The following MUC5B variants were observed in gnomAD, a reference collection of about 807,000 sequenced individuals.
MUC5B encodes the protein mucin-5B.
A neutral mutation model predicts 376.9 loss-of-function variants in MUC5B; 116 were observed. The observed-to-expected ratio is 0.31, with a 90% CI of 0.26 to 0.36. The LOEUF (loss-of-function observed/expected upper bound fraction) is 0.36. MUC5B is among the 10% of genes least tolerant of loss of function. The probability of loss-of-function intolerance (pLI) is 1.00; values close to 1 mark genes in which losing one functional copy is unlikely to be tolerated. For synonymous variants in MUC5B, 3,517 were observed against 3,390.9 expected (o/e 1.04, Z -1.29); for missense variants, 7,165 against 7,769.9 (o/e 0.92, Z 2.93).
At position 1,249,206 on chromosome 11, in the gene MUC5B, C is replaced by A. The variant is rs775020331; in HGVS notation, c.12326C>A (p.Thr4109Asn). ...TATPSKTRTS[T>N]LLPSSPTSAP... The stretch of plus-strand genomic sequence containing the variant: ...ACACCCAGCAAGACCCGCACCTCGA[C>A]CCTGCTGCCCAGCAGCCCCACATCG... The change falls in exon 31 of 49, where the codon ACC becomes AAC. Residue 4109 changes from threonine (T) to asparagine (N), a missense_variant. By Grantham distance (65) the Thr-to-Asn change is moderately conservative. This residue lies in a region of MUC5B where 47 missense variants were observed against 88.4 expected (regional missense o/e 0.53). Coordinates refer to ENST00000529681, the MANE Select transcript of MUC5B (RefSeq NM_002458.3). 33 of 1,611,420 alleles carry A rather than the reference C, an allele frequency of 2.0e-5. No individual in the cohort carries two copies. The highest frequency in any genetic ancestry group is 8.3e-5 in the Admixed American group (5 of 59,966).
In MUC5B at chr11:1,227,101, C is replaced by T. The variant is rs778396604; in HGVS notation, c.532C>T (p.Arg178Trp). ...CGGGGACTACATCAAGGTCAGCATCCGGCTGGTGCTGACATTCCTGTGGAA... is the reference window on the plus strand; with the variant it reads ...CGGGGACTACATCAAGGTCAGCATCTGGCTGGTGCTGACATTCCTGTGGAA... ...QSGDYIKVSIRLVLTFLWNGE... is the reference protein window; with the variant it reads ...QSGDYIKVSIWLVLTFLWNGE... Residue 178 changes from arginine to tryptophan, a missense_variant, in exon 5 of 49, where the codon CGG becomes TGG. This residue lies in a region of MUC5B where 640 missense variants were observed against 733.0 expected (regional missense o/e 0.87). Coordinates refer to ENST00000529681, the MANE Select transcript of MUC5B (RefSeq NM_002458.3). The T allele has an allele frequency of 1.9e-5, 30 of 1,612,422 alleles. No individual in the cohort carries two copies. The South Asian group carries it at 2.1e-4, about 11-fold the overall frequency.
In MUC5B at chr11:1,235,383, C is replaced by T. The variant is rs1310078448; in HGVS notation, c.2850C>T (p.Thr950=). 1.2e-6 allele frequency: 2 copies of T among 1,612,514 alleles called. No individual in the cohort carries two copies. The highest frequency in any genetic ancestry group is 1.7e-6 in the Non-Finnish European group (2 of 1,179,776). Residue 950 remains threonine (T), a synonymous_variant, in exon 23 of 49, where the codon ACC becomes ACT. Transcript: ENST00000529681. The stretch of plus-strand genomic sequence containing the variant: ...TCCCCTGTGGGACCACCGGCACCAC[C>T]TGCTCCAAGGCCATCAAGCTCTTCG... ...ENIPCGTTGT[T]CSKAIKLFVE...
At chr11:1,254,652 T>G (rs778290964) in intron 34 of MUC5B, 42 bp from the exon 35 acceptor site, 1 of 1,586,992 alleles carries the variant, frequency 6.3e-7, no homozygotes, top group African/African-American at 1.3e-5. Flanking sequence ...CGAGCCCACC[T>G]GGCACTGCCT....
In MUC5B at chr11:1,251,552, C is replaced by A; in HGVS notation, c.14672C>A (p.Ala4891Asp). ...TTMATMPTAT[A>D]STVPSSSTVG... ...ATGGCCACTATGCCCACAGCCACTG[C>A]CTCCACGGTTCCCAGCTCGTCCACC... is the stretch of plus-strand genomic sequence containing the variant. Residue 4891 changes from alanine (A) to aspartate (D), a missense_variant, in exon 31 of 49, where the codon GCC (alanine) becomes GAC (aspartate). By Grantham distance (126) the Ala-to-Asp change is moderately radical (BLOSUM62 -2). This residue lies in a region of MUC5B where 730 missense variants were observed against 592.7 expected (regional missense o/e 1.23). Transcript: ENST00000529681. The A allele has an allele frequency of 6.2e-7, 1 of 1,607,194 alleles. No homozygotes were observed.
At position 1,246,476 on chromosome 11, in the gene MUC5B, C is replaced by A. The variant is rs371217175; in HGVS notation, c.9596C>A (p.Thr3199Lys). The change falls in exon 31 of 49, where the codon ACG becomes AAG. Residue 3199 changes from threonine (T) to lysine (K), a missense_variant. Thr to Lys is a moderately conservative substitution (Grantham distance 78). This residue lies in a region of MUC5B where 939 missense variants were observed against 770.6 expected (regional missense o/e 1.22). Coordinates refer to ENST00000529681, the MANE Select transcript of MUC5B (RefSeq NM_002458.3). The stretch of plus-strand genomic sequence containing the variant: ...GGCACCCTCAAAGTGCTGACCAGCA[C>A]GGCCACCACACCCACAGTCATCAGC... ...TAGTLKVLTS[T>K]ATTPTVISSR... 2.5e-6 allele frequency: 4 copies of A among 1,613,424 alleles called. No individual in the cohort carries two copies. In the South Asian group the frequency reaches 3.3e-5, roughly 13 times the overall value.
rs1564951544 is a variant in MUC5B at position 1,254,171 on chromosome 11, T to C, written c.15297T>C (p.Tyr5099=). The C allele has an allele frequency of 6.2e-7, 1 of 1,612,984 alleles. No individual in the cohort carries two copies. The change falls in exon 34 of 49, where the codon TAT becomes TAC. Residue 5099 remains tyrosine, a synonymous_variant. Coordinates refer to ENST00000529681, the MANE Select transcript of MUC5B (RefSeq NM_002458.3). ...TSYTFRGNCT[Y]VLMREIHARF... ...ACACCTTCCGGGGCAACTGCACCTA[T>C]GTCCTCATGAGAGAGATCCATGCAC...
In MUC5B at chr11:1,246,245, T is replaced by A. The variant is rs58125533; in HGVS notation, c.9365T>A (p.Met3122Lys). The A allele has an allele frequency of 1.3e-6, 2 of 1,598,134 alleles. No homozygotes were observed. The highest frequency in any genetic ancestry group is 2.8e-5 in the African/African-American group (2 of 72,494). ...KATTTRATSS[M>K]STPSSTPGTT... ...ACCACGACAAGGGCCACCAGTTCCA[T>A]GTCCACCCCCTCCTCCACTCCGGGG... Residue 3122 changes from methionine (M) to lysine (K), a missense_variant, in exon 31 of 49, where the codon ATG becomes AAG. Met to Lys is a moderately conservative substitution (Grantham distance 95, BLOSUM62 -1). This residue lies in a region of MUC5B where 939 missense variants were observed against 770.6 expected (regional missense o/e 1.22). Coordinates refer to ENST00000529681, the MANE Select transcript of MUC5B (RefSeq NM_002458.3).
intron 34 of MUC5B, 59 bp downstream of exon 34, chr11:1,254,410 C>A: frequency 6.3e-7 from 1 of 1,578,492 alleles, no homozygotes; most frequent in Non-Finnish European, 8.6e-7. Context: ...CCTGGGCAGG[C>A]CGACTGCAGG....
At chr11:1,239,625 G>C (rs2735731) in intron 27 of MUC5B, 59 bp downstream of exon 27, 13 of 1,524,412 alleles carry the variant, frequency 8.5e-6, no homozygotes, top group African/African-American at 2.8e-5. Context: ...AGTGTACGTG[G>C]GGGGGCGGGG....
At position 1,227,396 on chromosome 11, in the gene MUC5B, A is replaced by C; in HGVS notation, c.665A>C (p.His222Pro). Reference sequence around the variant, plus strand: ...CCGGCCTTCAACGAGTTCTATGCCCACAGTGAGTGCCACCTGGGTGAGGGG... The same window carrying C: ...CCGGCCTTCAACGAGTTCTATGCCCCCAGTGAGTGCCACCTGGGTGAGGGG... Reference protein sequence around the residue: ...GLPAFNEFYAHNARLTPLQFG... With the variant: ...GLPAFNEFYAPNARLTPLQFG... Residue 222 changes from histidine to proline, a missense_variant and splice_region_variant, in exon 6 of 49, where the codon CAC (histidine) becomes CCC (proline). By Grantham distance (77) the His-to-Pro change is moderately conservative. Coordinates refer to ENST00000529681, the MANE Select transcript of MUC5B (RefSeq NM_002458.3). The C allele has an allele frequency of 6.2e-7, 1 of 1,607,832 alleles. No individual in the cohort carries two copies. The highest frequency in any genetic ancestry group is 1.3e-5 in the African/African-American group (1 of 74,948).
Position 1,250,824 on chromosome 11 carries a change from C to A in MUC5B, c.13944C>A (p.Thr4648=). 2 of 1,613,142 alleles carry A rather than the reference C, an allele frequency of 1.2e-6. No individual in the cohort carries two copies. The highest frequency in any genetic ancestry group is 1.7e-6 in the Non-Finnish European group (2 of 1,179,602). The change falls in exon 31 of 49, where the codon ACC becomes ACA. Residue 4648 remains threonine (T), a synonymous_variant. Coordinates refer to ENST00000529681, the MANE Select transcript of MUC5B (RefSeq NM_002458.3). The part of the protein sequence containing the change: ...TPSSIPGTTH[T]ARVLTTTTTT... ...CCTCCATCCCGGGGACCACCCACAC[C>A]GCCAGAGTGCTGACCACCACCACCA...
chr11:1,256,494 G>A (rs1165734157), intron 38 of MUC5B, 177 bp from the exon 39 acceptor site: 3 of 32,268 alleles, frequency 9.3e-5, no homozygotes, highest in East Asian at 1.0e-3. Flanking sequence ...ACTTAGCCCC[G>A]CCCACCCCCA....
Position 1,250,561 on chromosome 11 carries a change from A to T in MUC5B, c.13681A>T (p.Thr4561Ser), listed in dbSNP as rs1254953029. 2 of 1,611,488 alleles carry T rather than the reference A, an allele frequency of 1.2e-6. No individual in the cohort carries two copies. The highest frequency in any genetic ancestry group is 2.7e-5 in the African/African-American group (2 of 73,824). The change falls in exon 31 of 49, where the codon ACC becomes TCC. Residue 4561 changes from threonine to serine, a missense_variant. Thr to Ser is a moderately conservative substitution (Grantham distance 58). This residue lies in a region of MUC5B where 730 missense variants were observed against 592.7 expected (regional missense o/e 1.23). Transcript: ENST00000529681. ...CTCCTCCACTCCAGAGACTGTCCACACCTCCACAGTGCTTACCGCCACGGC... is the reference window on the plus strand; with the variant it reads ...CTCCTCCACTCCAGAGACTGTCCACTCCTCCACAGTGCTTACCGCCACGGC... ...TPSSTPETVH[T>S]STVLTATATT...
intron 46 of MUC5B, 24 bp from the exon 47 acceptor site, chr11:1,260,326 GC>G (rs760467094): frequency 3.1e-6 from 5 of 1,611,012 alleles, no homozygotes; most frequent in East Asian, 2.2e-5. Flanking sequence ...CCACAGCCCT[GC>G]CCCCTGTCTT....
Position 1,243,036 on chromosome 11 carries a change from A to T in MUC5B, c.6156A>T (p.Pro2052=), listed in dbSNP as rs2943504. 1.3e-6 allele frequency: 2 copies of T among 1,563,126 alleles called. No homozygotes were observed. Among genetic ancestry groups the T allele is most frequent in the East Asian group, 4.5e-5 (2 of 44,530 alleles). ...GAACAGCTCACACTACCAAAGTGCCAACTACCACAACCACGGGCTTCACAG... is the reference window on the plus strand; with the variant it reads ...GAACAGCTCACACTACCAAAGTGCCTACTACCACAACCACGGGCTTCACAG... The part of the protein sequence containing the change: ...TPGTAHTTKV[P]TTTTTGFTAT... The change falls in exon 31 of 49, where the codon CCA becomes CCT. Residue 2052 remains proline, a synonymous_variant. Transcript: ENST00000529681.
At position 1,261,711 on chromosome 11, in the gene MUC5B, T is replaced by C. The variant is rs1402587654; in HGVS notation, c.*103T>C. On this transcript the variant is annotated 3_prime_UTR_variant, in exon 49 of 49. Coordinates refer to ENST00000529681, the MANE Select transcript of MUC5B (RefSeq NM_002458.3). Reference sequence around the variant, plus strand: ...CTCCTCTGCGGAGCCCCCCGGCCTGTGTGTGGCACCCCGCGCTCCGTGCTC... The same window carrying C: ...CTCCTCTGCGGAGCCCCCCGGCCTGCGTGTGGCACCCCGCGCTCCGTGCTC... 2 of 1,183,210 alleles carry C rather than the reference T, an allele frequency of 1.7e-6. No homozygotes were observed. Among genetic ancestry groups the C allele is most frequent in the Non-Finnish European group, 2.4e-6 (2 of 823,566 alleles). 73.3% of individuals were successfully genotyped at this position (1,183,210 alleles called of 1,614,324 possible).
rs1284594521 is a variant in MUC5B, at chr11:1,253,560, A to G, written c.15218-532A>G. Among the ~76,000 whole-genome samples the G allele has an allele frequency of 6.6e-6, 1 of 152,148 alleles. No individual in the cohort carries two copies. Among genetic ancestry groups the G allele is most frequent in the African/African-American group, 2.4e-5 (1 of 41,438 alleles). On this transcript the variant is annotated intron_variant, in intron 33 of 48. Coordinates refer to ENST00000529681, the MANE Select transcript of MUC5B (RefSeq NM_002458.3). The surrounding 1 kb of genome is among the most constrained non-coding windows in gnomAD (Gnocchi z 4.3). ...CAAACCGCCACAAGCTGGGGAGCTT[A>G]TACAACAGAAACCCACTCTCCGTCC...
In MUC5B at chr11:1,254,217, T is replaced by C; in HGVS notation, c.15343T>C (p.Tyr5115His). The change falls in exon 34 of 49, where the codon TAC becomes CAC. Residue 5115 changes from tyrosine (Y) to histidine (H), a missense_variant. By Grantham distance (83) the Tyr-to-His change is moderately conservative (BLOSUM62 2). Coordinates refer to ENST00000529681, the MANE Select transcript of MUC5B (RefSeq NM_002458.3). ...TGCACGCTTTGGGAATCTCAGCCTCTACCTGGACAACCACTACTGCACGGC... is the reference window on the plus strand; with the variant it reads ...TGCACGCTTTGGGAATCTCAGCCTCCACCTGGACAACCACTACTGCACGGC... Reference protein sequence around the residue: ...IHARFGNLSLYLDNHYCTASA... With the variant: ...IHARFGNLSLHLDNHYCTASA... The C allele has an allele frequency of 6.2e-7, 1 of 1,612,762 alleles. No homozygotes were observed. The highest frequency in any genetic ancestry group is 8.5e-7 in the Non-Finnish European group (1 of 1,179,872).
chr11:1,252,106 C>T (rs528967947), intron 31 of MUC5B, among the ~76,000 whole-genome samples: 4 of 151,620 alleles, frequency 2.6e-5, no homozygotes, highest in African/African-American at 7.3e-5. Flanking sequence ...ACTGGCCACA[C>T]TCGGTCCCCA....
Sources: allele counts gnomAD v4.1 joint callset (sites outside exome capture counted in the v4.1 genomes callset), GRCh38; gene constraint gnomAD v4.1.1; regional missense constraint gnomAD v4.1.1; non-coding constraint Gnocchi (gnomAD v3.1); transcripts MANE v1.5; gene names NCBI Gene and HGNC (gene_info 2026-07-23, HGNC 2026-07-21).